The following SCLT1 variants were observed in gnomAD, a reference collection of about 807,000 sequenced individuals.
SCLT1 encodes the protein sodium channel-associated protein 1.
A neutral mutation model predicts 112.8 loss-of-function variants in SCLT1; 78 were observed. That is an observed-to-expected ratio of 0.69 (90% confidence interval 0.58 to 0.83). SCLT1 has a LOEUF of 0.83. Among genes scored for constraint, SCLT1 ranks in the 40% least tolerant of loss-of-function variants. The pLI, the probability that SCLT1 is intolerant of heterozygous loss-of-function variation, is 0.00. For missense variants in SCLT1, 747 were observed against 770.4 expected (o/e 0.97, Z 0.36); for synonymous variants, 257 against 254.7 (o/e 1.01, Z -0.09).
At chr4:128,924,596 C>T (rs1349587349) in intron 18 of SCLT1, among the ~76,000 whole-genome samples, 2 of 152,010 alleles carry the variant, frequency 1.3e-5, no homozygotes, top group Non-Finnish European at 2.9e-5. Flanking sequence ...TAATATAGTC[C>T]ACTTTATCAA....
At chr4:128,907,014 CAGA>C (rs1273379590) in intron 18 of SCLT1, among the ~76,000 whole-genome samples, 1 of 151,100 alleles carries the variant, frequency 6.6e-6, no homozygotes, top group Admixed American at 6.6e-5. Context: ...TGGAAAAAGG[CAGA>C]AGAAGGAAAA....
intron 14 of SCLT1, among the ~76,000 whole-genome samples, chr4:128,949,182 CA>C (rs1423512630): frequency 2.0e-5 from 3 of 146,954 alleles, no homozygotes; most frequent in Non-Finnish European, 4.5e-5. Flanking sequence ...TGTATTTATA[CA>C]TTTATTCTGG....
chr4:128,907,759 C>T (rs953280444), intron 18 of SCLT1, among the ~76,000 whole-genome samples: 3 of 151,950 alleles, frequency 2.0e-5, no homozygotes, highest in Admixed American at 6.5e-5. Flanking sequence ...CAAGAGTTTC[C>T]ACACTAATTG....
intron 18 of SCLT1, among the ~76,000 whole-genome samples, chr4:128,914,845 T>C (rs1735360298): frequency 6.6e-6 from 1 of 152,148 alleles, no homozygotes; most frequent in South Asian, 2.1e-4. Flanking sequence ...CACAAACAAA[T>C]AATTTTCAGT....
chr4:128,941,965 T>C (rs1737733290), intron 17 of SCLT1, among the ~76,000 whole-genome samples: 3 of 151,996 alleles, frequency 2.0e-5, no homozygotes, highest in Non-Finnish European at 4.4e-5. Context: ...GATAAATGAG[T>C]TTGTTTCTAG....
chr4:128,931,128 A>G (rs1426228491), intron 18 of SCLT1, among the ~76,000 whole-genome samples: 3 of 151,238 alleles, frequency 2.0e-5, no homozygotes, highest in Non-Finnish European at 4.4e-5. Context: ...TGGTGGGGGG[A>G]GAGAGAGAGA....
intron 8 of SCLT1, among the ~76,000 whole-genome samples, chr4:128,993,280 T>C (rs1238997094): frequency 6.6e-6 from 1 of 152,024 alleles, no homozygotes; most frequent in Non-Finnish European, 1.5e-5. Flanking sequence ...AAAGTGTAGG[T>C]ATTCCTGACT....
chr4:129,057,915 C>A (rs574257378), intron 2 of SCLT1, among the ~76,000 whole-genome samples: 1 of 152,080 alleles, frequency 6.6e-6, no homozygotes, highest in South Asian at 2.1e-4. Context: ...CCACGCCTGG[C>A]TAATTTTTGT....
chr4:129,086,278 G>A (rs558135694), intron 1 of SCLT1, among the ~76,000 whole-genome samples: 153 of 149,888 alleles, frequency 1.0e-3, no homozygotes, highest in South Asian at 7.6e-3. Flanking sequence ...TTTAATTTGC[G>A]TTTCCTGGAT....
chr4:128,905,016 C>T (rs1253815146), intron 18 of SCLT1, among the ~76,000 whole-genome samples: 1 of 152,126 alleles, frequency 6.6e-6, no homozygotes. Flanking sequence ...GTAAATATAA[C>T]ATTACAAATT....
chr4:129,033,634 T>A (rs1026149197), intron 5 of SCLT1, among the ~76,000 whole-genome samples: 7 of 151,214 alleles, frequency 4.6e-5, no homozygotes, highest in South Asian at 2.1e-4. Context: ...CGCTCAGGAA[T>A]GCCTCCTTGA....
At chr4:129,020,164 T>C (rs1486344037) in intron 5 of SCLT1, among the ~76,000 whole-genome samples, 2 of 152,210 alleles carry the variant, frequency 1.3e-5, no homozygotes, top group South Asian at 2.1e-4. Context: ...TTACTTATCC[T>C]ACTTTCTGAA....
intron 5 of SCLT1, among the ~76,000 whole-genome samples, chr4:129,004,792 A>G (rs545888541): frequency 6.6e-6 from 1 of 151,800 alleles, no homozygotes; most frequent in East Asian, 1.9e-4. Context: ...AATTCATCAA[A>G]TACAATAAAA....
chr4:128,997,108 T>G (rs1268218526), intron 8 of SCLT1: 1 of 152,008 alleles, frequency 6.6e-6, no homozygotes, highest in Non-Finnish European at 1.5e-5. Context: ...AATTAGACAC[T>G]TCAAATGTTA....
At position 128,993,339 on chromosome 4, in the gene SCLT1, C is replaced by T. The variant is rs189746572; in HGVS notation, c.616-1102G>A. 5.9e-5 allele frequency among the ~76,000 whole-genome samples: 9 copies of T among 152,140 alleles called. No homozygotes were observed. The East Asian group carries it at 1.5e-3, about 26-fold the overall frequency. On this transcript the variant is annotated intron_variant, in intron 8 of 20. Transcript: ENST00000281142. ...TCAGCTTTTCCCAGAACTCCTAGTGCCTGGCACATGATTGAGTACATCACA... is the reference window on the plus strand; with the variant it reads ...TCAGCTTTTCCCAGAACTCCTAGTGTCTGGCACATGATTGAGTACATCACA...
intron 5 of SCLT1, among the ~76,000 whole-genome samples, chr4:129,034,208 C>A (rs1560994022): frequency 6.6e-6 from 1 of 151,932 alleles, no homozygotes; most frequent in Non-Finnish European, 1.5e-5. Flanking sequence ...TACATGAACT[C>A]CTTCCCAAAT....
chr4:129,045,089 A>G (rs1322448554), intron 2 of SCLT1, among the ~76,000 whole-genome samples: 2 of 152,054 alleles, frequency 1.3e-5, no homozygotes, highest in Non-Finnish European at 2.9e-5. Context: ...GCTAGCACAT[A>G]CTAAATGGAA....
intron 2 of SCLT1, among the ~76,000 whole-genome samples, chr4:129,060,756 T>C (rs1749893643): frequency 6.6e-6 from 1 of 152,178 alleles, no homozygotes; most frequent in Non-Finnish European, 1.5e-5. Flanking sequence ...TCCCTGTTGT[T>C]CCCAGGTCTG....
intron 2 of SCLT1, among the ~76,000 whole-genome samples, chr4:129,066,694 G>A (rs1191764763): frequency 1.3e-5 from 2 of 152,034 alleles, no homozygotes; most frequent in Non-Finnish European, 2.9e-5. Flanking sequence ...TGTAGCAATA[G>A]TTACAGTACA....
Sources: allele counts gnomAD v4.1 joint callset (sites outside exome capture counted in the v4.1 genomes callset), GRCh38; gene constraint gnomAD v4.1.1; transcripts MANE v1.5; gene names NCBI Gene and HGNC (gene_info 2026-07-23, HGNC 2026-07-21).